Variants in EHHADH observed in about 807,000 individuals in gnomAD.
EHHADH encodes the protein enoyl-CoA hydratase and 3-hydroxyacyl CoA dehydrogenase, also known as peroxisomal bifunctional enzyme.
Under a neutral mutation model 64.4 loss-of-function variants are expected in EHHADH, and 48 were observed. The ratio of observed to expected loss-of-function variants is 0.75; its 90% CI spans 0.59 to 0.95. The LOEUF is 0.95. Ranked by LOEUF, EHHADH falls within the 40% of genes least tolerant of loss-of-function variation. EHHADH has a pLI of 0.00. For missense variants in EHHADH, 854 were observed against 876.6 expected, an observed-to-expected ratio of 0.97 and a Z score of 0.33; for synonymous variants, 308 against 326.7, an observed-to-expected ratio of 0.94 and a Z score of 0.62.
chr3:185,225,548 T>A (rs939524434), intron 4 of EHHADH, among the ~76,000 whole-genome samples: 3 of 152,114 alleles, frequency 2.0e-5, no homozygotes, highest in South Asian at 2.1e-4. Context: ...ATTAGTATAT[T>A]TTCAACAGCC....
intron 2 of EHHADH, among the ~76,000 whole-genome samples, chr3:185,242,865 G>A (rs184201063): frequency 3.3e-5 from 5 of 152,282 alleles, no homozygotes; most frequent in East Asian, 1.9e-4. Flanking sequence ...ACCCTCCCCC[G>A]AGTTCTGGCC....
chr3:185,203,023 G>A (rs1210100113), intron 6 of EHHADH, among the ~76,000 whole-genome samples: 2 of 151,476 alleles, frequency 1.3e-5, no homozygotes, highest in African/African-American at 2.4e-5. Context: ...GGAAAAAAAA[G>A]GATATAAATA....
intron 6 of EHHADH, among the ~76,000 whole-genome samples, chr3:185,199,795 G>C (rs1360933261): frequency 6.6e-6 from 1 of 152,124 alleles, no homozygotes; most frequent in African/African-American, 2.4e-5. Flanking sequence ...GCCCAGGATG[G>C]AGTACAGTGG....
At chr3:185,231,679 C>CA (rs1183798485) in intron 3 of EHHADH, among the ~76,000 whole-genome samples, 3 of 149,662 alleles carry the variant, frequency 2.0e-5, no homozygotes, top group Non-Finnish European at 1.5e-5. Context: ...ACATGCTAAA[C>CA]AAAAAAAGCC....
intron 5 of EHHADH, among the ~76,000 whole-genome samples, chr3:185,205,516 T>C (rs1455616888): frequency 6.6e-6 from 1 of 152,150 alleles, no homozygotes; most frequent in Non-Finnish European, 1.5e-5. Context: ...ACAAATAAAC[T>C]CTTACAATTA....
chr3:185,212,601 G>A (rs1448082546), intron 5 of EHHADH, among the ~76,000 whole-genome samples: 3 of 152,120 alleles, frequency 2.0e-5, no homozygotes, highest in Non-Finnish European at 4.4e-5. Flanking sequence ...TTTGAGCAGT[G>A]GGAGTGAGAA....
In EHHADH at chr3:185,216,471, A is replaced by C. The variant is rs1718682830; in HGVS notation, c.568+1665T>G. 1.3e-5 allele frequency among the ~76,000 whole-genome samples: 2 copies of C among 152,206 alleles called. No homozygotes were observed. The highest frequency in any genetic ancestry group is 4.1e-4 in the South Asian group (2 of 4,830). On this transcript the variant is annotated intron_variant, in intron 5 of 6. Coordinates refer to ENST00000231887, the MANE Select transcript of EHHADH (RefSeq NM_001966.4). This position sits in a 1 kb window ranked among gnomAD's most constrained non-coding sequence, Gnocchi z 5.3. Reference sequence around the variant, plus strand: ...GTCAAGTGACTTCTAACAAAACAATAAGCCCCCTCGGGAAGCACAATGATG... The same window carrying C: ...GTCAAGTGACTTCTAACAAAACAATCAGCCCCCTCGGGAAGCACAATGATG...
chr3:185,219,823 C>T (rs1161366893), intron 4 of EHHADH, among the ~76,000 whole-genome samples: 1 of 152,150 alleles, frequency 6.6e-6, no homozygotes, highest in East Asian at 1.9e-4. Flanking sequence ...CTTATTATTG[C>T]TTCAGAGAAC....
chr3:185,235,297 T>A lies in EHHADH; in HGVS notation c.344A>T (p.His115Leu), dbSNP rs1235058519. ...TAGAGCCTTGGTTGTTACCTCTGCG[T>A]GGGCAATCCTATAGTGACAGCCCAG... ...LALGCHYRIA[H>L]AEAQVGLPEV... The change falls in exon 3 of 7, where the codon CAC becomes CTC. Residue 115 changes from histidine (H) to leucine (L), a missense_variant. Coordinates refer to ENST00000231887, the MANE Select transcript of EHHADH (RefSeq NM_001966.4). 1.2e-6 allele frequency: 2 copies of A among 1,610,970 alleles called. No homozygotes were observed. Among genetic ancestry groups the A allele is most frequent in the Non-Finnish European group, 1.7e-6 (2 of 1,178,734 alleles).
At chr3:185,245,833 T>C in intron 2 of EHHADH, 1 of 822,514 alleles carries the variant, frequency 1.2e-6, no homozygotes, top group Non-Finnish European at 2.1e-6. Flanking sequence ...CCTGTGGAGG[T>C]TGCATAACGA....
In EHHADH at chr3:185,229,429, G is replaced by T. The variant is rs374657456; in HGVS notation, c.463+3C>A. 1 of 1,518,682 alleles carries T rather than the reference G, an allele frequency of 6.6e-7. No individual in the cohort carries two copies. 94.1% of individuals were successfully genotyped at this position (1,518,682 alleles called of 1,614,324 possible). On this transcript the variant is annotated splice_donor_region_variant and intron_variant, in intron 4 of 6. Coordinates refer to ENST00000231887, the MANE Select transcript of EHHADH (RefSeq NM_001966.4). ...GACAGTTGTTGCCAAGGTCTATACT[G>T]ACCTGAGGTAATTAAGTCAAGTGCA... is the stretch of plus-strand genomic sequence containing the variant.
At chr3:185,210,724 C>G (rs915384249) in intron 5 of EHHADH, among the ~76,000 whole-genome samples, 1 of 151,906 alleles carries the variant, frequency 6.6e-6, no homozygotes, top group Non-Finnish European at 1.5e-5. Flanking sequence ...GGTATAGCCT[C>G]TGGGAGCTCC....
intron 6 of EHHADH, among the ~76,000 whole-genome samples, chr3:185,200,594 A>G (rs1340512341): frequency 6.6e-6 from 1 of 152,232 alleles, no homozygotes; most frequent in African/African-American, 2.4e-5. Context: ...TCACAGATGC[A>G]TATAGACAGG....
At position 185,192,415 on chromosome 3, in the gene EHHADH, G is replaced by A. The variant is rs371169804; in HGVS notation, c.1983C>T (p.Gly661=). The change falls in exon 7 of 7, where the codon GGC becomes GGT. Residue 661 remains glycine (G), a synonymous_variant. Transcript: ENST00000231887. ...LHGYGWPRHK[G]GPMFYASTVG... ...CTGTGGAAGCATAGAACATGGGCCCGCCCTTGTGCCTTGGCCATCCATATC... is the reference window on the plus strand; with the variant it reads ...CTGTGGAAGCATAGAACATGGGCCCACCCTTGTGCCTTGGCCATCCATATC... The A allele has an allele frequency of 9.9e-5, 160 of 1,614,178 alleles. No homozygotes were observed. Among genetic ancestry groups the A allele is most frequent in the South Asian group, 5.9e-4 (54 of 91,078 alleles).
chr3:185,200,574 T>C (rs1354783226), intron 6 of EHHADH, among the ~76,000 whole-genome samples: 1 of 152,214 alleles, frequency 6.6e-6, no homozygotes, highest in Non-Finnish European at 1.5e-5. Flanking sequence ...TATAGTTCTC[T>C]AATTTTGCCT....
chr3:185,191,466 C>T lies in EHHADH; in HGVS notation c.*760G>A, dbSNP rs576454242. 2 of 152,224 alleles carry T rather than the reference C, an allele frequency of 1.3e-5. No homozygotes were observed. The highest frequency in any genetic ancestry group is 3.9e-4 in the East Asian group (2 of 5,186). 9.4% of individuals were successfully genotyped at this position (152,224 alleles called of 1,614,324 possible). On this transcript the variant is annotated 3_prime_UTR_variant, in exon 7 of 7. Coordinates refer to ENST00000231887, the MANE Select transcript of EHHADH (RefSeq NM_001966.4). ...AAGGCAAAAAGTAAAAAGAGAAGAA[C>T]TCTTACAACAAAATCATACAAAATA...
intron 6 of EHHADH, among the ~76,000 whole-genome samples, chr3:185,202,339 A>C (rs1222887029): frequency 4.3e-4 from 1 of 2,334 alleles, no homozygotes; most frequent in Non-Finnish European, 1.8e-3. Flanking sequence ...ACTCCATATC[A>C]AAAAAAAAAA....
At chr3:185,241,084 T>C (rs1719437979) in intron 2 of EHHADH, among the ~76,000 whole-genome samples, 1 of 152,182 alleles carries the variant, frequency 6.6e-6, no homozygotes, top group Non-Finnish European at 1.5e-5. Context: ...TGAGTTACTT[T>C]ACTTAGAATA....
intron 2 of EHHADH, among the ~76,000 whole-genome samples, chr3:185,237,913 C>T (rs563361126): frequency 1.3e-5 from 2 of 152,214 alleles, no homozygotes; most frequent in African/African-American, 4.8e-5. Flanking sequence ...ACCTCCTTGC[C>T]CTTTTGAAGG....
Sources: gnomAD v4.1 joint callset for allele counts (sites outside exome capture counted in the v4.1 genomes callset) on GRCh38, gnomAD v4.1.1 for gene constraint, Gnocchi (gnomAD v3.1) non-coding constraint, MANE v1.5 for transcripts, NCBI Gene and HGNC (gene_info 2026-07-23, HGNC 2026-07-21) for gene names.